FILIP1: variants seen among roughly 807,000 people sequenced by gnomAD.
FILIP1 encodes filamin A interacting protein 1.
Under a neutral mutation model 102.1 loss-of-function variants are expected in FILIP1, and 61 were observed. The observed-to-expected ratio is 0.60, with a 90% confidence interval of 0.49 to 0.74. The LOEUF is 0.74. FILIP1 is among the 30% of genes least tolerant of loss of function. The pLI is 0.00. For missense variants in FILIP1, 1,314 were observed against 1,441.2 expected (o/e 0.91, Z 1.43); for synonymous variants, 491 against 526.9 (o/e 0.93, Z 0.93).
chr6:75,423,541 C>G (rs139381559), intron 1 of FILIP1, among the ~76,000 whole-genome samples: 30 of 152,168 alleles, frequency 2.0e-4, no homozygotes, highest in African/African-American at 7.0e-4. Flanking sequence ...TTTCTGAATC[C>G]CAGCGATACC....
intron 1 of FILIP1, among the ~76,000 whole-genome samples, chr6:75,481,983 G>GT (rs1193729321): frequency 6.6e-6 from 1 of 152,114 alleles, no homozygotes; most frequent in Non-Finnish European, 1.5e-5. Flanking sequence ...CAAGACCTCT[G>GT]TTTTTTTCCC....
intron 2 of FILIP1, among the ~76,000 whole-genome samples, chr6:75,363,543 CAGTT>C (rs35795347): frequency 0.68 from 102,323 of 151,502 alleles, 34,695 homozygotes; most frequent in Middle Eastern, 0.76. Flanking sequence ...ATCAGACTGT[CAGTT>C]AGATGAGTCA....
intron 1 of FILIP1, among the ~76,000 whole-genome samples, chr6:75,479,594 C>A (rs1362287790): frequency 1.3e-5 from 2 of 151,886 alleles, no homozygotes; most frequent in East Asian, 1.9e-4. Context: ...CTTGGTCAGG[C>A]GTGGTGGCTC....
intron 1 of FILIP1, among the ~76,000 whole-genome samples, chr6:75,476,920 T>C (rs1779490341): frequency 6.6e-6 from 1 of 152,228 alleles, no homozygotes; most frequent in African/African-American, 2.4e-5. Flanking sequence ...CTCTGTTCTG[T>C]TATACAACAA....
intron 2 of FILIP1, among the ~76,000 whole-genome samples, chr6:75,405,472 T>G (rs1314273660): frequency 6.6e-6 from 1 of 151,992 alleles, no homozygotes. Flanking sequence ...AAACATAAAG[T>G]TTTTCTAAAT....
intron 4 of FILIP1, among the ~76,000 whole-genome samples, chr6:75,321,233 G>A (rs1386113612): frequency 6.6e-6 from 1 of 151,052 alleles, no homozygotes; most frequent in African/African-American, 2.4e-5. Flanking sequence ...GTTTTGTTTT[G>A]TTTTTTGTTT....
chr6:75,297,681 T>A lies in FILIP1; in HGVS notation c.3494-1731A>T, dbSNP rs1318919521. On this transcript the variant is annotated intron_variant, in intron 6 of 6. Transcript: ENST00000393004. ...CTAATTAATATCATGTAGTTAAAAA[T>A]TAGCATCCAAAATTAAAATGATGTT... Among the ~76,000 whole-genome samples, 3 of 152,182 alleles carry A rather than the reference T, an allele frequency of 2.0e-5. No individual in the cohort carries two copies. In the South Asian group the frequency reaches 6.2e-4, roughly 31 times the overall value.
intron 2 of FILIP1, among the ~76,000 whole-genome samples, chr6:75,405,307 C>T (rs897825675): frequency 6.6e-6 from 1 of 152,046 alleles, no homozygotes; most frequent in African/African-American, 2.4e-5. Flanking sequence ...CAAATGTAGG[C>T]CTAAAGGCCT....
At chr6:75,345,177 T>C (rs1465615482) in intron 4 of FILIP1, among the ~76,000 whole-genome samples, 2 of 152,174 alleles carry the variant, frequency 1.3e-5, no homozygotes, top group Non-Finnish European at 2.9e-5. Flanking sequence ...TTCTTGCCCA[T>C]TTTTGCTCAA....
chr6:75,465,273 G>A (rs1779130198), intron 1 of FILIP1: 1 of 303,170 alleles, frequency 3.3e-6, no homozygotes, highest in Non-Finnish European at 6.2e-6. Context: ...AGATGCACAG[G>A]GCTAACAATT....
intron 2 of FILIP1, among the ~76,000 whole-genome samples, chr6:75,404,913 T>G (rs918945619): frequency 1.2e-4 from 19 of 152,242 alleles, no homozygotes; most frequent in African/African-American, 4.6e-4. Flanking sequence ...TCTGCTTTTT[T>G]CTTGTCCTGC....
chr6:75,376,335 A>G (rs1384628555), intron 2 of FILIP1, among the ~76,000 whole-genome samples: 1 of 152,102 alleles, frequency 6.6e-6, no homozygotes, highest in Non-Finnish European at 1.5e-5. Context: ...GCCTCTCTGA[A>G]CTGTTTCTTT....
intron 1 of FILIP1, among the ~76,000 whole-genome samples, chr6:75,462,753 G>A (rs530052518): frequency 5.9e-5 from 9 of 152,032 alleles, no homozygotes; most frequent in Non-Finnish European, 1.3e-4. Flanking sequence ...TTACTCTCCT[G>A]TTAAGCCATT....
rs567901980 is a variant in FILIP1 at position 75,396,128 on chromosome 6, T to C, written c.276+18569A>G. Among the ~76,000 whole-genome samples, 6 of 151,924 alleles carry C rather than the reference T, an allele frequency of 3.9e-5. No individual in the cohort carries two copies. In the South Asian group the frequency reaches 1.2e-3, roughly 32 times the overall value. Reference sequence around the variant, plus strand: ...CAATAAAAAGAGGCTCCCAACATTATTTAAGATGGGAAATATTCAAGGGAC... The same window carrying C: ...CAATAAAAAGAGGCTCCCAACATTACTTAAGATGGGAAATATTCAAGGGAC... On this transcript the variant is annotated intron_variant, in intron 2 of 5. Coordinates refer to ENST00000237172, the MANE Select transcript of FILIP1 (RefSeq NM_015687.5).
chr6:75,313,141 T>C lies in FILIP1; in HGVS notation c.2691A>G (p.Pro897=). The change falls in exon 5 of 6, where the codon CCA becomes CCG. Residue 897 remains proline (P), a synonymous_variant. Transcript: ENST00000237172. This position sits in a 1 kb window ranked among gnomAD's most constrained non-coding sequence, Gnocchi z 4.2. ...GCTTTGGTGAAAGGACTACCTCTCC[T>C]GGGTGCCCTGGACTGGAATTTGTTC... ...GPRTNSSPGH[P]GEVVLSPKQG... 2 of 1,614,214 alleles carry C rather than the reference T, an allele frequency of 1.2e-6. No individual in the cohort carries two copies. Among genetic ancestry groups the C allele is most frequent in the African/African-American group, 1.3e-5 (1 of 75,046 alleles).
intron 2 of FILIP1, among the ~76,000 whole-genome samples, chr6:75,396,868 G>C (rs549170626): frequency 6.6e-6 from 1 of 152,010 alleles, no homozygotes; most frequent in Non-Finnish European, 1.5e-5. Context: ...CAGGTATTTT[G>C]TAGTCAGTAT....
At chr6:75,443,047 G>A (rs934334194) in intron 1 of FILIP1, among the ~76,000 whole-genome samples, 6 of 152,296 alleles carry the variant, frequency 3.9e-5, no homozygotes, top group African/African-American at 1.4e-4. Context: ...TTTCTTAATT[G>A]TTTGGGGAAA....
chr6:75,364,543 T>C (rs1775267900), intron 2 of FILIP1, among the ~76,000 whole-genome samples: 1 of 152,196 alleles, frequency 6.6e-6, no homozygotes, highest in Admixed American at 6.5e-5. Context: ...CCTATGTTCA[T>C]CTGACATAGG....
chr6:75,352,111 T>A (rs528776439), intron 4 of FILIP1, among the ~76,000 whole-genome samples: 11 of 152,336 alleles, frequency 7.2e-5, no homozygotes, highest in Middle Eastern at 6.8e-3. Flanking sequence ...ATAATTTTTT[T>A]AAAAAATGTT....
Sources: allele counts gnomAD v4.1 joint callset (sites outside exome capture counted in the v4.1 genomes callset), GRCh38; gene constraint gnomAD v4.1.1; non-coding constraint Gnocchi (gnomAD v3.1); transcripts MANE v1.5; gene names NCBI Gene and HGNC (gene_info 2026-07-23, HGNC 2026-07-21).